SPATA6: variants seen among roughly 807,000 people sequenced by gnomAD.
SPATA6 encodes spermatogenesis-associated protein 6.
A neutral mutation model predicts 65.3 loss-of-function variants in SPATA6; 56 were observed. The ratio of observed to expected loss-of-function variants is 0.86; its 90% CI spans 0.69 to 1.07. SPATA6 has a LOEUF of 1.07. Ranked by LOEUF, SPATA6 falls within the 50% of genes least tolerant of loss-of-function variation. The pLI is 0.00. For missense variants in SPATA6, 590 were observed against 594.8 expected (o/e 0.99, Z 0.08); for synonymous variants, 199 against 213.2 (o/e 0.93, Z 0.58).
At chr1:48,263,347 T>G in the SPATA6 span, among the ~76,000 whole-genome samples, 1 of 152,186 alleles carries the variant, frequency 6.6e-6, no homozygotes, top group East Asian at 1.9e-4. Context: ...TATGAGATCT[T>G]TAAGATGGAT....
chr1:48,371,456 G>C (rs570987858), intron 9 of SPATA6, among the ~76,000 whole-genome samples: 1 of 152,196 alleles, frequency 6.6e-6, no homozygotes, highest in South Asian at 2.1e-4. Context: ...TCCTATCAAA[G>C]ACAAGAATAC....
chr1:48,313,158 T>C (rs1014104161), intron 11 of SPATA6, among the ~76,000 whole-genome samples: 3 of 152,238 alleles, frequency 2.0e-5, no homozygotes, highest in African/African-American at 4.8e-5. Flanking sequence ...AGTCTAGCAA[T>C]GCAGGCTGAC....
the SPATA6 span, among the ~76,000 whole-genome samples, chr1:48,287,037 CAAAA>C: frequency 8.8e-6 from 1 of 113,146 alleles, no homozygotes. Flanking sequence ...TAGACTGTCT[CAAAA>C]AAAAAAAAAA....
At chr1:48,400,222 C>T (rs968546032) in intron 6 of SPATA6, among the ~76,000 whole-genome samples, 5 of 151,812 alleles carry the variant, frequency 3.3e-5, no homozygotes, top group Non-Finnish European at 4.4e-5. Flanking sequence ...AGCTCCCTTC[C>T]GAGCTGTAAC....
chr1:48,470,599 A>AC (rs1031609075), intron 1 of SPATA6, among the ~76,000 whole-genome samples: 1 of 152,146 alleles, frequency 6.6e-6, no homozygotes, highest in African/African-American at 2.4e-5. Flanking sequence ...ACTCTGCCCC[A>AC]CGCACACTTG....
intron 11 of SPATA6, among the ~76,000 whole-genome samples, chr1:48,341,574 C>A (rs1646216262): frequency 1.3e-5 from 2 of 152,188 alleles, no homozygotes; most frequent in Non-Finnish European, 2.9e-5. Context: ...AATAGTGATG[C>A]TGGCCATTTG....
rs116599596 is a variant in SPATA6, at chr1:48,449,410, T to C, written c.238+2142A>G. Reference sequence around the variant, plus strand: ...GCTGTTAAGTACACAGCACCAACTATGAAGATTTCTTGCCAAAGTAACAAA... The same window carrying C: ...GCTGTTAAGTACACAGCACCAACTACGAAGATTTCTTGCCAAAGTAACAAA... On this transcript the variant is annotated intron_variant, in intron 3 of 12. Transcript: ENST00000371847. 5.5e-3 allele frequency among the ~76,000 whole-genome samples: 845 copies of C among 152,302 alleles called. 8 individuals carry two copies. Among genetic ancestry groups the C allele is most frequent in the African/African-American group, 0.019 (797 of 41,570 alleles).
the SPATA6 span, among the ~76,000 whole-genome samples, chr1:48,274,335 CTTTAG>C: frequency 6.6e-6 from 1 of 152,096 alleles, no homozygotes; most frequent in African/African-American, 2.4e-5. Context: ...TGCAGAAGTT[CTTTAG>C]TTTAATTAGA....
At chr1:48,398,045 T>C (rs1650771114) in intron 7 of SPATA6, among the ~76,000 whole-genome samples, 1 of 151,648 alleles carries the variant, frequency 6.6e-6, no homozygotes, top group Admixed American at 6.6e-5. Flanking sequence ...ATATCCTTTC[T>C]TTTCAATTTA....
rs1253391543 is a variant in SPATA6 at position 48,295,387 on chromosome 1, GGAT to G, written c.*3323_*3325del. 7.2e-5 allele frequency: 11 copies of G among 152,182 alleles called. No homozygotes were observed. Among genetic ancestry groups the G allele is most frequent in the African/African-American group, 2.6e-4 (11 of 41,520 alleles). The allele number at this position is 152,182 out of a possible 1,614,324, so 9.4% of individuals were successfully genotyped here. ...ACAAAATGTGGTATATTCATATGATGGATTATTATTTAGTAATAAAAAGGAATG... is the reference window on the plus strand; with the variant it reads ...ACAAAATGTGGTATATTCATATGATGTATTATTTAGTAATAAAAAGGAATG... On this transcript the variant is annotated 3_prime_UTR_variant, in exon 13 of 13. Coordinates refer to ENST00000371847, the MANE Select transcript of SPATA6 (RefSeq NM_019073.4).
chr1:48,303,207 A>G (rs1327447083), intron 12 of SPATA6, among the ~76,000 whole-genome samples: 2 of 152,172 alleles, frequency 1.3e-5, no homozygotes. Flanking sequence ...CCTGCATACA[A>G]TGTGTAGTGA....
intron 9 of SPATA6, among the ~76,000 whole-genome samples, chr1:48,367,716 G>T (rs1423464753): frequency 6.6e-6 from 1 of 152,024 alleles, no homozygotes; most frequent in African/African-American, 2.4e-5. Context: ...GGTCTCCTGA[G>T]TACAGCACAC....
At chr1:48,422,972 T>C (rs545870470) in intron 3 of SPATA6, among the ~76,000 whole-genome samples, 6 of 152,286 alleles carry the variant, frequency 3.9e-5, no homozygotes, top group African/African-American at 1.4e-4. Flanking sequence ...GAAAAATGAA[T>C]GGTAGTATAC....
intron 9 of SPATA6, among the ~76,000 whole-genome samples, chr1:48,384,871 G>C (rs1649291870): frequency 6.6e-6 from 1 of 151,198 alleles, no homozygotes; most frequent in Admixed American, 6.6e-5. Flanking sequence ...TTATCACAGT[G>C]AGTAAACAAA....
At chr1:48,291,330 C>A (rs546358971), downstream of SPATA6, among the ~76,000 whole-genome samples, 1 of 152,034 alleles carries the variant, frequency 6.6e-6, no homozygotes, top group South Asian at 2.1e-4. Context: ...GCTACCAGGG[C>A]GGGTAGAGAA....
At chr1:48,350,927 A>C (rs1004105571) in intron 11 of SPATA6, among the ~76,000 whole-genome samples, 1 of 151,952 alleles carries the variant, frequency 6.6e-6, no homozygotes, top group Non-Finnish European at 1.5e-5. Context: ...AATTTTGATT[A>C]AGATTGCATA....
intron 11 of SPATA6, among the ~76,000 whole-genome samples, chr1:48,341,649 A>G (rs1420759480): frequency 6.6e-6 from 1 of 152,212 alleles, no homozygotes; most frequent in Non-Finnish European, 1.5e-5. Context: ...CTTGACTTGG[A>G]AAGAAAAAAA....
chr1:48,268,742 T>C, the SPATA6 span, among the ~76,000 whole-genome samples: 2 of 152,280 alleles, frequency 1.3e-5, no homozygotes, highest in African/African-American at 4.8e-5. Flanking sequence ...CTTACCAATA[T>C]GCACAAGGTA....
At chr1:48,270,869 T>C in the SPATA6 span, among the ~76,000 whole-genome samples, 1 of 152,128 alleles carries the variant, frequency 6.6e-6, no homozygotes, top group Non-Finnish European at 1.5e-5. Flanking sequence ...ACTTAAACAA[T>C]GCTGCATTTC....
Sources: allele counts gnomAD v4.1 joint callset (sites outside exome capture counted in the v4.1 genomes callset), GRCh38; gene constraint gnomAD v4.1.1; transcripts MANE v1.5; gene names NCBI Gene and HGNC (gene_info 2026-07-23, HGNC 2026-07-21).